The following ROBO1 variants were observed in gnomAD, a reference collection of about 807,000 sequenced individuals.
The protein encoded by ROBO1 is roundabout homolog 1.
ROBO1 carries 149 observed loss-of-function variants against 195.9 expected under a neutral mutation model. The observed-to-expected ratio is 0.76, with a 90% CI of 0.67 to 0.87. The LOEUF (loss-of-function observed/expected upper bound fraction) is 0.87. Among genes scored for constraint, ROBO1 ranks in the 40% least tolerant of loss-of-function variants. ROBO1 has a pLI of 0.00. For missense variants in ROBO1, 1,933 were observed against 2,068.3 expected, an observed-to-expected ratio of 0.93 and a Z score of 1.27; for synonymous variants, 816 against 733.2, an observed-to-expected ratio of 1.11 and a Z score of -1.82.
chr3:78,639,129 G>GATAAATAAACAT (rs1705752600), intron 22 of ROBO1, among the ~76,000 whole-genome samples: 1 of 151,868 alleles, frequency 6.6e-6, no homozygotes, highest in Non-Finnish European at 1.5e-5. Flanking sequence ...CTGGCCTACA[G>GATAAATAAACAT]AGTGAGACTC....
At chr3:78,802,616 T>C (rs1301525526) in intron 4 of ROBO1, among the ~76,000 whole-genome samples, 1 of 152,142 alleles carries the variant, frequency 6.6e-6, no homozygotes, top group African/African-American at 2.4e-5. Context: ...TTGCTGAGAC[T>C]ACTTAGTTAA....
chr3:78,681,637 G>C (rs2080912361), intron 10 of ROBO1, among the ~76,000 whole-genome samples: 1 of 152,164 alleles, frequency 6.6e-6, no homozygotes, highest in Non-Finnish European at 1.5e-5. Flanking sequence ...AGGCGCGGTG[G>C]CTCACGCCTG....
chr3:79,177,671 C>T (rs1262231353), intron 2 of ROBO1, among the ~76,000 whole-genome samples: 1 of 152,184 alleles, frequency 6.6e-6, no homozygotes, highest in Non-Finnish European at 1.5e-5. Flanking sequence ...TATTTCTTTC[C>T]CATAAATTGA....
chr3:79,613,269 G>T, intron 1 of ROBO1, among the ~76,000 whole-genome samples: 1 of 151,958 alleles, frequency 6.6e-6, no homozygotes. Flanking sequence ...TTGTCTACTG[G>T]TTTTTAATAC....
chr3:78,980,026 C>T (rs1433864706), intron 3 of ROBO1, among the ~76,000 whole-genome samples: 2 of 152,086 alleles, frequency 1.3e-5, no homozygotes, highest in Non-Finnish European at 2.9e-5. Flanking sequence ...ACAAGTAAAA[C>T]AATAATTTCC....
At chr3:79,217,286 T>A (rs1306454093) in intron 2 of ROBO1, among the ~76,000 whole-genome samples, 1 of 152,090 alleles carries the variant, frequency 6.6e-6, no homozygotes, top group East Asian at 1.9e-4. Context: ...CTCCATTTTT[T>A]AAAACTTCCA....
chr3:79,574,784 A>G (rs1374057616), intron 2 of ROBO1, among the ~76,000 whole-genome samples: 2 of 151,820 alleles, frequency 1.3e-5, no homozygotes, highest in Non-Finnish European at 3.0e-5. Flanking sequence ...CTATAGTTTT[A>G]TGTTCCACCT....
intron 2 of ROBO1, among the ~76,000 whole-genome samples, chr3:79,188,433 C>T (rs1318434672): frequency 6.6e-6 from 1 of 151,700 alleles, no homozygotes; most frequent in East Asian, 1.9e-4. Flanking sequence ...CAGAAAACAA[C>T]AGCAGTTTGT....
chr3:79,707,897 T>C (rs1576261795), intron 1 of ROBO1, among the ~76,000 whole-genome samples: 2 of 152,176 alleles, frequency 1.3e-5, no homozygotes, highest in Non-Finnish European at 2.9e-5. Flanking sequence ...GGAAAAAATA[T>C]AAATAACTAA....
chr3:79,650,335 T>TATA (rs1009037970), intron 1 of ROBO1, among the ~76,000 whole-genome samples: 1 of 151,614 alleles, frequency 6.6e-6, no homozygotes, highest in African/African-American at 2.4e-5. Flanking sequence ...GTAAACTAAT[T>TATA]TCTTTAAAGT....
At chr3:78,940,969 A>G (rs764595589) in intron 3 of ROBO1, among the ~76,000 whole-genome samples, 6 of 152,214 alleles carry the variant, frequency 3.9e-5, no homozygotes, top group Non-Finnish European at 5.9e-5. Flanking sequence ...CAAGACAGGA[A>G]AATATGTTAT....
Position 78,893,522 on chromosome 3 carries a change from T to C in ROBO1, c.499+45079A>G, listed in dbSNP as rs182488221. Among the ~76,000 whole-genome samples, 546 of 152,310 alleles carry C rather than the reference T, an allele frequency of 3.6e-3. 4 individuals carry two copies. Among genetic ancestry groups the C allele is most frequent in the African/African-American group, 0.012 (511 of 41,580 alleles). On this transcript the variant is annotated intron_variant, in intron 4 of 30. Coordinates refer to ENST00000464233, the MANE Select transcript of ROBO1 (RefSeq NM_002941.4). The stretch of plus-strand genomic sequence containing the variant: ...TATAAATTACTCAGTCTTAGATATT[T>C]TATTGTAGCAGCACAGACTAAGACA...
intron 4 of ROBO1, among the ~76,000 whole-genome samples, chr3:78,799,415 C>T (rs2084288915): frequency 6.6e-6 from 1 of 152,026 alleles, no homozygotes; most frequent in Admixed American, 6.5e-5. Context: ...AATCTCGGCT[C>T]ACTGCAAGCT....
intron 26 of ROBO1, among the ~76,000 whole-genome samples, chr3:78,620,883 A>ATATATGTG (rs368794312): frequency 6.5e-4 from 94 of 144,622 alleles, no homozygotes; most frequent in Admixed American, 1.2e-3. Flanking sequence ...ATATATATAT[A>ATATATGTG]TGTGTGTGTG....
chr3:78,711,384 TTC>T (rs1559773344), intron 8 of ROBO1, among the ~76,000 whole-genome samples: 459 of 42,104 alleles, frequency 0.011, 1 homozygote, highest in Admixed American at 0.037. Flanking sequence ...CCTTCCTTCC[TTC>T]CTTCCTTCCT....
chr3:79,540,357 C>A (rs773304331), intron 2 of ROBO1, among the ~76,000 whole-genome samples: 55 of 152,058 alleles, frequency 3.6e-4, no homozygotes, highest in African/African-American at 4.1e-4. Flanking sequence ...CCCCTGTACA[C>A]ATTAAGTGAA....
intron 8 of ROBO1, among the ~76,000 whole-genome samples, chr3:78,705,849 C>T (rs1455380280): frequency 6.6e-6 from 1 of 152,092 alleles, no homozygotes; most frequent in African/African-American, 2.4e-5. Context: ...TGAATTAAAC[C>T]ACCTGTTTTG....
At chr3:79,059,472 C>A (rs1011817368) in intron 3 of ROBO1, among the ~76,000 whole-genome samples, 7 of 151,964 alleles carry the variant, frequency 4.6e-5, no homozygotes, top group Non-Finnish European at 7.4e-5. Context: ...AATGAACAAG[C>A]CTTCATTGCC....
chr3:79,749,586 C>T (rs567619473), intron 1 of ROBO1, among the ~76,000 whole-genome samples: 2 of 152,264 alleles, frequency 1.3e-5, no homozygotes, highest in African/African-American at 2.4e-5. Context: ...GGTCTAGAGT[C>T]CCCCTACTCT....
Sources: gnomAD v4.1 joint callset for allele counts (sites outside exome capture counted in the v4.1 genomes callset) on GRCh38, gnomAD v4.1.1 for gene constraint, MANE v1.5 for transcripts, NCBI Gene and HGNC (gene_info 2026-07-23, HGNC 2026-07-21) for gene names.